Variants in CTNND2 observed in about 807,000 individuals in gnomAD.
The protein encoded by CTNND2 is catenin delta 2, also known as catenin delta-2.
CTNND2 carries 22 observed loss-of-function variants against 144.4 expected under a neutral mutation model. That is an observed-to-expected ratio of 0.15 (90% CI 0.11 to 0.22). The LOEUF (loss-of-function observed/expected upper bound fraction) is 0.22. Ranked by LOEUF, CTNND2 falls within the 10% of genes least tolerant of loss-of-function variation. The pLI, the probability that CTNND2 is intolerant of heterozygous loss-of-function variation, is 1.00. For missense variants in CTNND2, 1,353 were observed against 1,618.8 expected, an observed-to-expected ratio of 0.84 and a Z score of 2.82; for synonymous variants, 751 against 695.6, an observed-to-expected ratio of 1.08 and a Z score of -1.25.
chr5:11,171,409 T>C (rs1327384576), intron 11 of CTNND2, among the ~76,000 whole-genome samples: 1 of 152,212 alleles, frequency 6.6e-6, no homozygotes, highest in African/African-American at 2.4e-5. Context: ...TGGATAATAA[T>C]ATTAACACTC....
chr5:11,675,832 C>G (rs912700037), intron 2 of CTNND2, among the ~76,000 whole-genome samples: 1 of 151,624 alleles, frequency 6.6e-6, no homozygotes, highest in East Asian at 2.0e-4. Context: ...TGTCTTCTCA[C>G]TTTATTTCAT....
chr5:11,291,496 T>G (rs1302947158), intron 9 of CTNND2, among the ~76,000 whole-genome samples: 2 of 152,156 alleles, frequency 1.3e-5, no homozygotes, highest in Admixed American at 1.3e-4. Context: ...TACACAATTA[T>G]TCTCAGATGA....
At chr5:11,227,401 T>C (rs1356755400) in intron 10 of CTNND2, among the ~76,000 whole-genome samples, 2 of 152,208 alleles carry the variant, frequency 1.3e-5, no homozygotes, top group African/African-American at 4.8e-5. Context: ...GCAGGCAGCC[T>C]GGCTCCAAAG....
At chr5:11,369,997 T>C (rs893913583) in intron 7 of CTNND2, among the ~76,000 whole-genome samples, 8 of 152,236 alleles carry the variant, frequency 5.3e-5, no homozygotes, top group Admixed American at 1.3e-4. Context: ...CCAGTAAGTA[T>C]ATGAAATCTT....
At chr5:11,497,526 G>GGA (rs1770088908) in intron 3 of CTNND2, among the ~76,000 whole-genome samples, 1 of 79,254 alleles carries the variant, frequency 1.3e-5, no homozygotes, top group Admixed American at 1.5e-4. Context: ...GGGTGGGGGG[G>GGA]GGCAATATGT....
At chr5:11,897,364 C>A (rs1244828590) in intron 1 of CTNND2, among the ~76,000 whole-genome samples, 2 of 152,132 alleles carry the variant, frequency 1.3e-5, no homozygotes, top group Non-Finnish European at 2.9e-5. Flanking sequence ...AATACAACAT[C>A]GTATCTATTT....
Position 11,117,477 on chromosome 5 carries a change from C to T in CTNND2, c.2250G>A (p.Ala750=), listed in dbSNP as rs778573833. Residue 750 remains alanine (A), a synonymous_variant, in exon 13 of 22, where the codon GCG becomes GCA. Coordinates refer to ENST00000304623, the MANE Select transcript of CTNND2 (RefSeq NM_001332.4). ...TGCTATCGATCTCACTGCTCCCCAG[C>T]GCAGACTGGATCACGTACAGCAAGG... is the stretch of plus-strand genomic sequence containing the variant. ...TDALLYVIQS[A]LGSSEIDSKT... 3.2e-5 allele frequency: 52 copies of T among 1,613,970 alleles called. No homozygotes were observed. Among genetic ancestry groups the T allele is most frequent in the African/African-American group, 1.2e-4 (9 of 74,916 alleles).
chr5:11,376,286 GCTTAAGAC>G (rs1264031067), intron 7 of CTNND2, among the ~76,000 whole-genome samples: 2 of 101,540 alleles, frequency 2.0e-5, no homozygotes, highest in African/African-American at 3.3e-5. Flanking sequence ...AACCACCTGA[GCTTAAGAC>G]CTGAGTGATG....
chr5:11,231,864 GA>G (rs1192118709), intron 10 of CTNND2, among the ~76,000 whole-genome samples: 1 of 152,208 alleles, frequency 6.6e-6, no homozygotes, highest in Non-Finnish European at 1.5e-5. Flanking sequence ...CTGTGGGAGG[GA>G]AAAATGGTTT....
chr5:11,060,545 A>C (rs566487117), intron 16 of CTNND2, among the ~76,000 whole-genome samples: 11 of 152,324 alleles, frequency 7.2e-5, no homozygotes, highest in African/African-American at 2.4e-4. Flanking sequence ...GGAAATTCAG[A>C]CTTCTGATCA....
chr5:11,048,134 T>G (rs1745469114), intron 16 of CTNND2, among the ~76,000 whole-genome samples: 1 of 152,130 alleles, frequency 6.6e-6, no homozygotes, highest in South Asian at 2.1e-4. Flanking sequence ...CTTTATCACC[T>G]GAGCTCCCAG....
chr5:11,052,643 C>T (rs1745956582), intron 16 of CTNND2, among the ~76,000 whole-genome samples: 1 of 152,134 alleles, frequency 6.6e-6, no homozygotes, highest in Non-Finnish European at 1.5e-5. Flanking sequence ...CATCTCCCTC[C>T]TCCCAGGCAC....
chr5:11,786,472 C>G (rs576466167), intron 1 of CTNND2, among the ~76,000 whole-genome samples: 60 of 152,284 alleles, frequency 3.9e-4, no homozygotes, highest in Non-Finnish European at 7.5e-4. Flanking sequence ...CTAGATGCTA[C>G]TGATTTTCTA....
intron 3 of CTNND2, among the ~76,000 whole-genome samples, chr5:11,492,679 T>C (rs116009983): frequency 0.013 from 1,965 of 151,878 alleles, 37 homozygotes; most frequent in African/African-American, 0.046. Flanking sequence ...TATATACATC[T>C]TTCATTAATA....
chr5:11,528,464 C>T lies in CTNND2; in HGVS notation c.287+36480G>A, dbSNP rs575047231. Among the ~76,000 whole-genome samples the T allele has an allele frequency of 2.6e-5, 4 of 152,096 alleles. No homozygotes were observed. In the South Asian group the frequency reaches 8.3e-4, roughly 32 times the overall value. On this transcript the variant is annotated intron_variant, in intron 3 of 21. Coordinates refer to ENST00000304623, the MANE Select transcript of CTNND2 (RefSeq NM_001332.4). ...TAGAAATATTCAAGAGTTCGTCCTCCATGTCATGGAGTTATCAAAAGTCAA... is the reference window on the plus strand; with the variant it reads ...TAGAAATATTCAAGAGTTCGTCCTCTATGTCATGGAGTTATCAAAAGTCAA...
intron 18 of CTNND2, among the ~76,000 whole-genome samples, chr5:11,000,349 C>T (rs1739817997): frequency 1.3e-5 from 2 of 152,134 alleles, no homozygotes; most frequent in Admixed American, 1.3e-4. Flanking sequence ...GGTGAAACCC[C>T]GTCTCTACTA....
chr5:11,484,500 G>T (rs1222365836), intron 3 of CTNND2, among the ~76,000 whole-genome samples: 2 of 152,134 alleles, frequency 1.3e-5, no homozygotes, highest in African/African-American at 4.8e-5. Context: ...TCTGTACTAA[G>T]AAAAACACAT....
In CTNND2 at chr5:11,384,437, T is replaced by C. The variant is rs1002047743; in HGVS notation, c.1177+228A>G. On this transcript the variant is annotated intron_variant, in intron 7 of 21. Coordinates refer to ENST00000304623, the MANE Select transcript of CTNND2 (RefSeq NM_001332.4). This position sits in a 1 kb window ranked among gnomAD's most constrained non-coding sequence, Gnocchi z 5.2. Reference sequence around the variant, plus strand: ...GAAGAGAGGAGAGAAGAGAGTGATATAGGTGTTAGAGATTGAGACACCACA... The same window carrying C: ...GAAGAGAGGAGAGAAGAGAGTGATACAGGTGTTAGAGATTGAGACACCACA... 10 of 568,534 alleles carry C rather than the reference T, an allele frequency of 1.8e-5. No individual in the cohort carries two copies. The South Asian group carries it at 1.9e-4, about 11-fold the overall frequency. 35.2% of individuals were successfully genotyped at this position (568,534 alleles called of 1,614,324 possible). A position where few individuals can be genotyped will look rare whatever the true frequency, so the allele number is the denominator to read the frequency against.
At chr5:11,573,638 A>G (rs1378355322) in intron 2 of CTNND2, among the ~76,000 whole-genome samples, 1 of 152,204 alleles carries the variant, frequency 6.6e-6, no homozygotes, top group African/African-American at 2.4e-5. Context: ...ACTGTGGCAA[A>G]GAGCTGTCTG....
Sources: gnomAD v4.1 joint callset for allele counts (sites outside exome capture counted in the v4.1 genomes callset) on GRCh38, gnomAD v4.1.1 for gene constraint, Gnocchi (gnomAD v3.1) non-coding constraint, MANE v1.5 for transcripts, NCBI Gene and HGNC (gene_info 2026-07-23, HGNC 2026-07-21) for gene names.